Variants in NUP205 observed in about 807,000 individuals in gnomAD.
NUP205 encodes the protein nucleoporin 205.
In NUP205, 76 loss-of-function variants were observed where a neutral mutation model predicts 253.8. That is an observed-to-expected ratio of 0.30 (90% CI 0.25 to 0.36). The LOEUF (loss-of-function observed/expected upper bound fraction) is 0.36, where lower values mean the gene tolerates loss of function less well. Ranked by LOEUF, NUP205 falls within the 10% of genes least tolerant of loss-of-function variation. NUP205 has a pLI of 1.00. For synonymous variants in NUP205, 832 were observed against 850.1 expected (o/e 0.98, Z 0.37); for missense variants, 2,162 against 2,425.5 (o/e 0.89, Z 2.28).
intron 38 of NUP205, 57 bp downstream of exon 38, chr7:135,638,740 A>G: frequency 3.2e-6 from 5 of 1,585,226 alleles, no homozygotes; most frequent in Non-Finnish European, 4.3e-6. Flanking sequence ...GTTATGACAT[A>G]GCTCTCCAGC....
chr7:135,613,085 C>CAA (rs373671230), intron 22 of NUP205, among the ~76,000 whole-genome samples: 1 of 134,778 alleles, frequency 7.4e-6, no homozygotes. Context: ...GACCCTGACT[C>CAA]AAAAAAAAAA....
chr7:135,638,449 G>A, intron 37 of NUP205, 108 bp from the exon 38 acceptor site: 2 of 903,962 alleles, frequency 2.2e-6, no homozygotes, highest in Non-Finnish European at 3.4e-6. Flanking sequence ...ACAGATGTGA[G>A]TCATTTTACA....
chr7:135,630,434 C>T lies in NUP205; in HGVS notation c.5023C>T (p.Leu1675=). The change falls in exon 35 of 43, where the codon CTG becomes TTG. Residue 1675 remains leucine (L), a synonymous_variant. Coordinates refer to ENST00000285968, the MANE Select transcript of NUP205 (RefSeq NM_015135.3). Reference sequence around the variant, plus strand: ...TGCTGGGTCTTTGCAGGAATTGGCTCTGCTGACAGGAATTATAAGTAAAGC... The same window carrying T: ...TGCTGGGTCTTTGCAGGAATTGGCTTTGCTGACAGGAATTATAAGTAAAGC... ...VSAGSLQELA[L]LTGIISKAAL... 1.9e-6 allele frequency: 3 copies of T among 1,610,236 alleles called. No individual in the cohort carries two copies. The highest frequency in any genetic ancestry group is 2.2e-5 in the South Asian group (2 of 90,728).
chr7:135,647,859 G>A (rs1795039825), intron 42 of NUP205, among the ~76,000 whole-genome samples: 1 of 152,106 alleles, frequency 6.6e-6, no homozygotes, highest in Admixed American at 6.6e-5. Context: ...AGATCCATCT[G>A]AAACTACATA....
At position 135,607,225 on chromosome 7, in the gene NUP205, ATTTC is replaced by A. The variant is rs2129490732; in HGVS notation, c.3071-18_3071-15del. The A allele has an allele frequency of 6.3e-7, 1 of 1,593,874 alleles. No homozygotes were observed. Among genetic ancestry groups the A allele is most frequent in the East Asian group, 2.2e-5 (1 of 44,818 alleles). On this transcript the variant is annotated intron_variant, in intron 21 of 42. Coordinates refer to ENST00000285968, the MANE Select transcript of NUP205 (RefSeq NM_015135.3). Reference sequence around the variant, plus strand: ...GCAGCAATTCTAAAAGAAAAGTTGAATTTCTTTTTGGTTTCATGCAGGAGTGTTA... The same window carrying A: ...GCAGCAATTCTAAAAGAAAAGTTGAATTTTTGGTTTCATGCAGGAGTGTTA...
chr7:135,607,392 T>G, intron 22 of NUP205, 21 bp downstream of exon 22: 3 of 1,611,336 alleles, frequency 1.9e-6, no homozygotes, highest in Non-Finnish European at 2.5e-6. Flanking sequence ...AACTGCGTTT[T>G]GTGGTACTGA....
At chr7:135,619,769 A>G in intron 29 of NUP205, 21 bp from the exon 30 acceptor site, 3 of 1,598,040 alleles carry the variant, frequency 1.9e-6, no homozygotes, top group Non-Finnish European at 2.6e-6. Flanking sequence ...TTTTCATTTG[A>G]CATCTTCCTA....
At chr7:135,623,235 A>C (rs1382201471) in intron 31 of NUP205, among the ~76,000 whole-genome samples, 1 of 152,218 alleles carries the variant, frequency 6.6e-6, no homozygotes, top group Non-Finnish European at 1.5e-5. Flanking sequence ...GTGAGCTGTG[A>C]TCGAGGCACT....
intron 1 of NUP205, among the ~76,000 whole-genome samples, chr7:135,561,908 C>CTTCCTTTG (rs1418440608): frequency 2.7e-5 from 4 of 148,010 alleles, no homozygotes; most frequent in African/African-American, 1.0e-4. Context: ...TTGTTCCTTC[C>CTTCCTTTG]TTCCTTCCCT....
At chr7:135,636,820 A>G (rs1794819507) in intron 36 of NUP205, among the ~76,000 whole-genome samples, 1 of 152,144 alleles carries the variant, frequency 6.6e-6, no homozygotes, top group African/African-American at 2.4e-5. Context: ...AGCCTGGGGA[A>G]CATGGCTAAA....
rs1806503922 is a variant in NUP205 at position 135,587,592 on chromosome 7, T to C, written c.1236T>C (p.Asn412=). 6 of 1,601,454 alleles carry C rather than the reference T, an allele frequency of 3.7e-6. No individual in the cohort carries two copies. The highest frequency in any genetic ancestry group is 5.1e-6 in the Non-Finnish European group (6 of 1,174,126). Residue 412 remains asparagine (N), a synonymous_variant, in exon 9 of 43, where the codon AAT becomes AAC. Transcript: ENST00000285968. ...TTTAATAGGTGAAACAGCTGAGGAA[T>C]CGGGCAGATGAAGATGCTCGAATGA... The part of the protein sequence containing the change: ...LMPMKVKQLR[N]RADEDARMIH...
intron 2 of NUP205, among the ~76,000 whole-genome samples, chr7:135,571,660 A>G (rs1457454047): frequency 6.6e-6 from 1 of 152,190 alleles, no homozygotes; most frequent in African/African-American, 2.4e-5. Flanking sequence ...TAATCACATC[A>G]TGGAGAATGG....
intron 7 of NUP205, among the ~76,000 whole-genome samples, chr7:135,579,286 C>T (rs1453820586): frequency 1.3e-5 from 2 of 151,902 alleles, no homozygotes; most frequent in Admixed American, 6.6e-5. Context: ...CCTCTGCCCC[C>T]CGGGTTCAAG....
At chr7:135,570,046 TATATATAGAGAGAGAGAGAGAG>T (rs1392765698) in intron 1 of NUP205, among the ~76,000 whole-genome samples, 7 of 102,358 alleles carry the variant, frequency 6.8e-5, no homozygotes, top group Admixed American at 6.2e-4. Flanking sequence ...TATATATATA[TATATATAGAGAGAGAGAGAGAG>T]AGAGAGAGAG....
rs147872178 is a variant in NUP205 at position 135,594,070 on chromosome 7, ACT to A, written c.1831-474_1831-473del. Among the ~76,000 whole-genome samples, 445 of 152,258 alleles carry A rather than the reference ACT, an allele frequency of 2.9e-3. 8 individuals carry two copies. In the East Asian group the frequency reaches 0.051, roughly 17 times the overall value. The stretch of plus-strand genomic sequence containing the variant: ...TATTGTATACATATATCAAAATATG[ACT>A]CTGTACCCTATAAATATGTATAGTT... On this transcript the variant is annotated intron_variant, in intron 12 of 42. Transcript: ENST00000285968.
At chr7:135,638,413 T>C in intron 37 of NUP205, 144 bp from the exon 38 acceptor site, 1 of 572,700 alleles carries the variant, frequency 1.7e-6, no homozygotes, top group Non-Finnish European at 2.8e-6. Flanking sequence ...AGACTCCATC[T>C]GAAAAAAAAA....
chr7:135,600,992 A>G, intron 16 of NUP205, 23 bp downstream of exon 16: 1 of 1,295,180 alleles, frequency 7.7e-7, no homozygotes, highest in East Asian at 2.3e-5. Context: ...TGTCACTTTC[A>G]AACAAGTTGT....
intron 10 of NUP205, among the ~76,000 whole-genome samples, chr7:135,588,541 T>C (rs1458537929): frequency 6.6e-6 from 1 of 150,742 alleles, no homozygotes; most frequent in African/African-American, 2.4e-5. Flanking sequence ...ACTAGATATG[T>C]GTTGAATTAT....
At position 135,617,613 on chromosome 7, in the gene NUP205, G is replaced by A. The variant is rs1794388568; in HGVS notation, c.3702G>A (p.Arg1234=). 1 of 1,612,042 alleles carries A rather than the reference G, an allele frequency of 6.2e-7. No homozygotes were observed. Among genetic ancestry groups the A allele is most frequent in the South Asian group, 1.1e-5 (1 of 90,998 alleles). ...TCCTAATTATCCAGCTTCTTCATAG[G>A]GTTCTTGTAGCTGAAGTAAATGCCC... The part of the protein sequence containing the change: ...QTVCNVKLLH[R]VLVAEVNALQ... The change falls in exon 27 of 43, where the codon AGG becomes AGA. Residue 1234 remains arginine (R), a synonymous_variant. Coordinates refer to ENST00000285968, the MANE Select transcript of NUP205 (RefSeq NM_015135.3).
Sources: allele counts gnomAD v4.1 joint callset (sites outside exome capture counted in the v4.1 genomes callset), GRCh38; gene constraint gnomAD v4.1.1; transcripts MANE v1.5; gene names NCBI Gene and HGNC (gene_info 2026-07-23, HGNC 2026-07-21).